Variants in YY1 observed in about 807,000 individuals in gnomAD.
YY1 encodes transcriptional repressor protein YY1.
A neutral mutation model predicts 35.6 loss-of-function variants in YY1; 2 were observed. That is an observed-to-expected ratio of 0.06 (90% confidence interval 0.02 to 0.18). The LOEUF (loss-of-function observed/expected upper bound fraction) is 0.18, where lower values mean the gene tolerates loss of function less well. YY1 is among the 10% of genes least tolerant of loss of function. YY1 has a pLI of 1.00. For synonymous variants in YY1, 268 were observed against 238.9 expected, an observed-to-expected ratio of 1.12 and a Z score of -1.12; for missense variants, 322 against 573.4, an observed-to-expected ratio of 0.56 and a Z score of 4.48.
At position 100,269,046 on chromosome 14, in the gene YY1, A is replaced by ATGTCATTGGGAG. The variant is rs1450390519; in HGVS notation, c.843-5648_843-5637dup. Reference sequence around the variant, plus strand: ...ATGAGCTATTATAAATCGGGCAGTCATGTCATTGGGAGTGTATTCTCCCTC... The same window carrying ATGTCATTGGGAG: ...ATGAGCTATTATAAATCGGGCAGTCATGTCATTGGGAGTGTCATTGGGAGTGTATTCTCCCTC... On this transcript the variant is annotated intron_variant, in intron 2 of 4. Coordinates refer to ENST00000262238, the MANE Select transcript of YY1 (RefSeq NM_003403.5). 1.2e-4 allele frequency among the ~76,000 whole-genome samples: 18 copies of ATGTCATTGGGAG among 152,312 alleles called. No individual in the cohort carries two copies. The East Asian group carries it at 3.5e-3, about 29-fold the overall frequency.
At position 100,239,869 on chromosome 14, in the gene YY1, C is replaced by G; in HGVS notation, c.625C>G (p.Gln209Glu). 1 of 1,526,838 alleles carries G rather than the reference C, an allele frequency of 6.5e-7. No homozygotes were observed. Among genetic ancestry groups the G allele is most frequent in the South Asian group, 1.2e-5 (1 of 82,068 alleles). 94.6% of individuals were successfully genotyped at this position (1,526,838 alleles called of 1,614,324 possible). A position where few individuals can be genotyped will look rare whatever the true frequency, so the allele number is the denominator to read the frequency against. The change falls in exon 1 of 5, where the codon CAG becomes GAG. Residue 209 changes from glutamine to glutamate, a missense_variant. By Grantham distance (29) the Gln-to-Glu change is conservative. Around this residue, in one of 4 missense-constraint regions of YY1, gnomAD observed 152 missense variants for 167.1 expected, o/e 0.91. Coordinates refer to ENST00000262238, the MANE Select transcript of YY1 (RefSeq NM_003403.5). ...DPGNKKWEQK[Q>E]VQIKTLEGEF... ...GGGCAACAAGAAGTGGGAGCAGAAG[C>G]AGGTGCAGATCAAGACCCTGGAGGG...
At chr14:100,249,760 G>GTTT (rs34925666) in intron 1 of YY1, among the ~76,000 whole-genome samples, 4,204 of 142,874 alleles carry the variant, frequency 0.029, 99 homozygotes, top group Non-Finnish European at 0.046. Context: ...TTTTTTTTTT[G>GTTT]TTTGTTTTTG....
At chr14:100,273,988 GC>G (rs1891284382) in intron 2 of YY1, among the ~76,000 whole-genome samples, 1 of 152,070 alleles carries the variant, frequency 6.6e-6, no homozygotes, top group African/African-American at 2.4e-5. Flanking sequence ...GAACTTCCAA[GC>G]CCCCATCCAG....
chr14:100,249,748 G>GTTTTTTTTTTT (rs57119106), intron 1 of YY1, among the ~76,000 whole-genome samples: 4 of 141,028 alleles, frequency 2.8e-5, no homozygotes, highest in African/African-American at 8.0e-5. Flanking sequence ...GCTACTTACC[G>GTTTTTTTTTTT]TTTTTTTTTT....
chr14:100,251,821 T>G (rs536177476), intron 1 of YY1, among the ~76,000 whole-genome samples: 14 of 152,292 alleles, frequency 9.2e-5, no homozygotes, highest in Admixed American at 3.3e-4. Flanking sequence ...GAGGCAGGGT[T>G]TTCTCTTTGT....
chr14:100,255,347 G>C (rs567554788), intron 1 of YY1, among the ~76,000 whole-genome samples: 1 of 152,116 alleles, frequency 6.6e-6, no homozygotes, highest in Non-Finnish European at 1.5e-5. Flanking sequence ...GGCCGGGCAC[G>C]GTGGCTCATG....
intron 1 of YY1, among the ~76,000 whole-genome samples, chr14:100,253,390 C>T (rs1890952735): frequency 6.6e-6 from 1 of 152,158 alleles, no homozygotes; most frequent in Admixed American, 6.5e-5. Context: ...TTTTTAGTAG[C>T]AATGGAGGTT....
intron 2 of YY1, among the ~76,000 whole-genome samples, chr14:100,270,457 A>AG (rs1891220910): frequency 4.5e-5 from 1 of 22,406 alleles, no homozygotes; most frequent in Non-Finnish European, 7.5e-5. Context: ...CTAAAAATAC[A>AG]AAAAAAAAAA....
intron 1 of YY1, among the ~76,000 whole-genome samples, chr14:100,255,494 CTGTGAT>C (rs1890991690): frequency 6.6e-6 from 1 of 152,208 alleles, no homozygotes; most frequent in East Asian, 1.9e-4. Flanking sequence ...TGGTGTGCCC[CTGTGAT>C]CCCAGCTACT....
At chr14:100,244,107 C>G (rs1890792619) in intron 1 of YY1, among the ~76,000 whole-genome samples, 2 of 143,238 alleles carry the variant, frequency 1.4e-5, no homozygotes, top group Non-Finnish European at 3.0e-5. Flanking sequence ...GACTCCGTCT[C>G]CAAAAAAAAA....
At chr14:100,261,488 C>G (rs1032640762) in intron 1 of YY1, among the ~76,000 whole-genome samples, 1 of 152,120 alleles carries the variant, frequency 6.6e-6, no homozygotes. Flanking sequence ...TGGTGCTGGG[C>G]CGAACATATA....
intron 1 of YY1, among the ~76,000 whole-genome samples, chr14:100,260,345 C>G (rs762927936): frequency 1.3e-5 from 2 of 148,942 alleles, no homozygotes; most frequent in East Asian, 2.0e-4. Context: ...GTGGCCTGGC[C>G]GAGAGATCTT....
chr14:100,262,550 A>G (rs1891098842), intron 2 of YY1, 84 bp downstream of exon 2: 1 of 1,420,512 alleles, frequency 7.0e-7, no homozygotes, highest in Non-Finnish European at 9.9e-7. Context: ...CTAAGTCAAA[A>G]TGGTGGTTTG....
rs568312627 is a variant in YY1 at position 100,239,430 on chromosome 14, G to T, written c.186G>T (p.Gly62=). The change falls in exon 1 of 5, where the codon GGG becomes GGT. Residue 62 remains glycine (G), a synonymous_variant. Coordinates refer to ENST00000262238, the MANE Select transcript of YY1 (RefSeq NM_003403.5). The part of the protein sequence containing the change: ...EDGGGGDHGG[G]GGHGHAGHHH... ...GCGGCGGTGGCGACCACGGCGGCGG[G>T]GGCGGCCACGGGCACGCCGGCCACC... The T allele has an allele frequency of 2.5e-6, 4 of 1,591,756 alleles. No individual in the cohort carries two copies. Among genetic ancestry groups the T allele is most frequent in the East Asian group, 2.3e-5 (1 of 43,744 alleles).
chr14:100,247,375 CTTTTT>C (rs961409524), intron 1 of YY1, among the ~76,000 whole-genome samples: 1 of 147,652 alleles, frequency 6.8e-6, no homozygotes, highest in African/African-American at 2.5e-5. Flanking sequence ...ATGAATTTTT[CTTTTT>C]TTCTTTTTTT....
chr14:100,272,036 G>A (rs1891245972), intron 2 of YY1, among the ~76,000 whole-genome samples: 1 of 152,044 alleles, frequency 6.6e-6, no homozygotes, highest in South Asian at 2.1e-4. Context: ...TGGGAAGGGG[G>A]AGGACACTGA....
intron 1 of YY1, among the ~76,000 whole-genome samples, chr14:100,257,651 A>C (rs913480685): frequency 2.0e-5 from 3 of 151,848 alleles, no homozygotes; most frequent in African/African-American, 7.3e-5. Context: ...GCTATCTGCA[A>C]ACCAGGGAGT....
At chr14:100,240,526 C>T (rs956399958) in intron 1 of YY1, among the ~76,000 whole-genome samples, 5 of 76 alleles carry the variant, frequency 0.066, no homozygotes, top group African/African-American at 0.17. Context: ...GCTTGGCACT[C>T]GTGGGCGCCC....
chr14:100,254,514 G>A (rs1331389502), intron 1 of YY1, among the ~76,000 whole-genome samples: 1 of 152,134 alleles, frequency 6.6e-6, no homozygotes, highest in Non-Finnish European at 1.5e-5. Flanking sequence ...CTGGAGTGCA[G>A]TGGTGCAATT....
Sources: gnomAD v4.1 joint callset for allele counts (sites outside exome capture counted in the v4.1 genomes callset) on GRCh38, gnomAD v4.1.1 for gene constraint, gnomAD v4.1.1 regional missense constraint, MANE v1.5 for transcripts, NCBI Gene and HGNC (gene_info 2026-07-23, HGNC 2026-07-21) for gene names.